Variants in CEP104 observed in about 807,000 individuals in gnomAD.
The protein encoded by CEP104 is centrosomal protein 104.
Under a neutral mutation model 113.3 loss-of-function variants are expected in CEP104, and 84 were observed. The ratio of observed to expected loss-of-function variants is 0.74; its 90% confidence interval spans 0.62 to 0.89. The LOEUF (loss-of-function observed/expected upper bound fraction) is 0.89, where lower values mean the gene tolerates loss of function less well. Among genes scored for constraint, CEP104 ranks in the 40% least tolerant of loss-of-function variants. CEP104 has a pLI of 0.00. For missense variants in CEP104, 1,053 were observed against 1,156.6 expected (o/e 0.91, Z 1.30); for synonymous variants, 378 against 421.7 (o/e 0.90, Z 1.27).
At chr1:3,855,941 T>C (rs1183767725) in intron 1 of CEP104, 4 of 985,168 alleles carry the variant, frequency 4.1e-6, no homozygotes, top group Non-Finnish European at 4.8e-6. Context: ...CCAGAGTACA[T>C]CTCTCCCCAG....
At chr1:3,829,643 G>T in intron 14 of CEP104, 148 bp downstream of exon 14, 1 of 843,058 alleles carries the variant, frequency 1.2e-6, no homozygotes. Context: ...ATCTGAATGC[G>T]GGAACCTGTG....
intron 11 of CEP104, among the ~76,000 whole-genome samples, 165 bp from the exon 12 acceptor site, chr1:3,834,200 C>T (rs1043201182): frequency 3.3e-5 from 5 of 152,246 alleles, no homozygotes; most frequent in Non-Finnish European, 7.3e-5. Flanking sequence ...AACACAGCAC[C>T]TTGCATATAG....
At chr1:3,836,369 C>T (rs543225676) in intron 10 of CEP104, 126 bp downstream of exon 10, 767 of 939,354 alleles carry the variant, frequency 8.2e-4, no homozygotes, top group Middle Eastern at 1.7e-3. Context: ...GGGAAGTCAA[C>T]AATATTACAA....
rs1452126978 is a variant in CEP104, at chr1:3,819,787, T to C, written c.2571+3387A>G. 6.6e-6 allele frequency among the ~76,000 whole-genome samples: 1 copy of C among 152,152 alleles called. No homozygotes were observed. The highest frequency in any genetic ancestry group is 1.5e-5 in the Non-Finnish European group (1 of 68,030). On this transcript the variant is annotated intron_variant, in intron 20 of 21. Coordinates refer to ENST00000378230, the MANE Select transcript of CEP104 (RefSeq NM_014704.4). The surrounding 1 kb of genome is among the most constrained non-coding windows in gnomAD (Gnocchi z 4.6). Reference sequence around the variant, plus strand: ...ATTTGAAGAATGAACGGCAAAACAATTCACACGAAATTAGAAAGACGTGTC... The same window carrying C: ...ATTTGAAGAATGAACGGCAAAACAACTCACACGAAATTAGAAAGACGTGTC...
chr1:3,841,321 TA>T (rs879466602), intron 6 of CEP104, among the ~76,000 whole-genome samples: 5,470 of 152,234 alleles, frequency 0.036, 361 homozygotes, highest in African/African-American at 0.12. Context: ...GAGGTCACGG[TA>T]CTTCGCTCAC....
At chr1:3,842,154 T>C (rs4381131) in intron 6 of CEP104, among the ~76,000 whole-genome samples, 137,912 of 152,326 alleles carry the variant, frequency 0.91, 63,106 homozygotes, top group Middle Eastern at 0.97. Flanking sequence ...GTGGTGCGAT[T>C]TTGGCTCGCT....
intron 4 of CEP104, among the ~76,000 whole-genome samples, chr1:3,846,476 A>T (rs1180119251): frequency 3.3e-5 from 5 of 152,388 alleles, no homozygotes; most frequent in Non-Finnish European, 7.3e-5. Context: ...TTTTAAATGC[A>T]GGGCACATAT....
At chr1:3,822,514 T>C (rs1269720612) in intron 20 of CEP104, among the ~76,000 whole-genome samples, 2 of 152,232 alleles carry the variant, frequency 1.3e-5, no homozygotes, top group African/African-American at 4.8e-5. Flanking sequence ...AACTGGGTCC[T>C]GAGCAGGGCC....
intron 1 of CEP104, among the ~76,000 whole-genome samples, chr1:3,852,896 C>A (rs1186951736): frequency 1.4e-5 from 2 of 142,318 alleles, no homozygotes; most frequent in South Asian, 4.5e-4. Context: ...CATCTCTAAG[C>A]GGGCCGGCCA....
chr1:3,828,451 T>C (rs34839626), intron 15 of CEP104, among the ~76,000 whole-genome samples: 1 of 152,106 alleles, frequency 6.6e-6, no homozygotes, highest in African/African-American at 2.4e-5. Flanking sequence ...CCATAGGAAG[T>C]TCAGCCTATA....
chr1:3,845,982 G>C (rs1380884921), intron 4 of CEP104, among the ~76,000 whole-genome samples: 57 of 151,638 alleles, frequency 3.8e-4, no homozygotes. Context: ...AGGAGGCTGA[G>C]GCAGGAGAAT....
intron 18 of CEP104, 86 bp downstream of exon 18, chr1:3,825,672 A>C (rs1366940893): frequency 3.5e-6 from 3 of 866,212 alleles, no homozygotes; most frequent in Non-Finnish European, 1.9e-6. Context: ...AAATACTAAG[A>C]CTTGGGACAG....
Position 3,837,421 on chromosome 1 carries a change from T to G in CEP104, c.990A>C (p.Arg330Ser), listed in dbSNP as rs1026614728. 5 of 1,614,248 alleles carry G rather than the reference T, an allele frequency of 3.1e-6. No individual in the cohort carries two copies. Among genetic ancestry groups the G allele is most frequent in the Non-Finnish European group, 4.2e-6 (5 of 1,180,040 alleles). The change falls in exon 9 of 22, where the codon AGA becomes AGC. Residue 330 changes from arginine to serine, a missense_variant. Arg to Ser is a moderately radical substitution (Grantham distance 110). Transcript: ENST00000378230. ...GTTCTGCAAACTGGTTTTCTGTTCCTCTTTCTTCCAGTTGTGGTAGTGAGG... is the reference window on the plus strand; with the variant it reads ...GTTCTGCAAACTGGTTTTCTGTTCCGCTTTCTTCCAGTTGTGGTAGTGAGG... The part of the protein sequence containing the change: ...PMPSLPQLEE[R>S]GTENQFAEPF...
chr1:3,842,087 TTTTTA>T lies in CEP104; in HGVS notation c.567-2316_567-2312del, dbSNP rs1557684238. On this transcript the variant is annotated intron_variant, in intron 6 of 21. Coordinates refer to ENST00000378230, the MANE Select transcript of CEP104 (RefSeq NM_014704.4). Reference sequence around the variant, plus strand: ...GAGAGACTGAGAAGCTGGTGTTATTTTTTTATTTTTATTTTTTGAGACGGAGTCTC... The same window carrying T: ...GAGAGACTGAGAAGCTGGTGTTATTTTTTTTATTTTTTGAGACGGAGTCTC... Among the ~76,000 whole-genome samples, 18 of 97,400 alleles carry T rather than the reference TTTTTA, an allele frequency of 1.8e-4. No homozygotes were observed. In the South Asian group the frequency reaches 4.7e-3, roughly 25 times the overall value. The allele number at this position is 97,400 out of a possible 152,430, so 63.9% of individuals were successfully genotyped here. A position where few individuals can be genotyped will look rare whatever the true frequency, so the allele number is the denominator to read the frequency against.
rs1643819959 is a variant in CEP104, at chr1:3,812,978, TTTTC to T, written c.*2420_*2423del. ...TAAAAATGAAGTCTTTTTATAAGTA[TTTTC>T]TTTAAGTTACAATATATAGAAGGCA... On this transcript the variant is annotated 3_prime_UTR_variant, in exon 22 of 22. Coordinates refer to ENST00000378230, the MANE Select transcript of CEP104 (RefSeq NM_014704.4). 1.3e-5 allele frequency: 2 copies of T among 152,316 alleles called. No homozygotes were observed. Among genetic ancestry groups the T allele is most frequent in the East Asian group, 3.9e-4 (2 of 5,194 alleles). The allele number at this position is 152,316 out of a possible 1,614,324, so 9.4% of individuals were successfully genotyped here. A position where few individuals can be genotyped will look rare whatever the true frequency, so the allele number is the denominator to read the frequency against.
chr1:3,853,887 G>C (rs887727005), intron 1 of CEP104, among the ~76,000 whole-genome samples: 3 of 152,156 alleles, frequency 2.0e-5, no homozygotes, highest in Non-Finnish European at 4.4e-5. Flanking sequence ...TTGAGCCCAG[G>C]AGTTCGAGAC....
chr1:3,843,212 G>A, intron 6 of CEP104: 1 of 714,052 alleles, frequency 1.4e-6, no homozygotes, highest in African/African-American at 1.8e-5. Flanking sequence ...CAGGCAGGTG[G>A]CAAGGGAACC....
rs1448095441 is a variant in CEP104, at chr1:3,833,887, C to T, written c.1634G>A (p.Arg545His). Residue 545 changes from arginine (R) to histidine (H), a missense_variant, in exon 12 of 22, where the codon CGC (arginine) becomes CAC (histidine). Coordinates refer to ENST00000378230, the MANE Select transcript of CEP104 (RefSeq NM_014704.4). ...TRTGDSSARL[R>H]VTAANFIQEM... Reference sequence around the variant, plus strand: ...CTGAATAAAATTTGCAGCTGTGACGCGGAGGCGGGCAGAAGAATCTCCAGT... The same window carrying T: ...CTGAATAAAATTTGCAGCTGTGACGTGGAGGCGGGCAGAAGAATCTCCAGT... The T allele has an allele frequency of 7.4e-6, 12 of 1,614,178 alleles. No individual in the cohort carries two copies. Among genetic ancestry groups the T allele is most frequent in the Admixed American group, 3.3e-5 (2 of 60,020 alleles).
In CEP104 at chr1:3,820,377, A is replaced by C. The variant is rs1006893596; in HGVS notation, c.2571+2797T>G. Among the ~76,000 whole-genome samples, 6 of 152,222 alleles carry C rather than the reference A, an allele frequency of 3.9e-5. No individual in the cohort carries two copies. In the South Asian group the frequency reaches 1.2e-3, roughly 32 times the overall value. ...CAAAGGCTCCCACATTCTGGAGATAACCAGGGGAAAAGATGTATGTGCAGT... is the reference window on the plus strand; with the variant it reads ...CAAAGGCTCCCACATTCTGGAGATACCCAGGGGAAAAGATGTATGTGCAGT... On this transcript the variant is annotated intron_variant, in intron 20 of 21. Transcript: ENST00000378230.
Sources: gnomAD v4.1 joint callset for allele counts (sites outside exome capture counted in the v4.1 genomes callset) on GRCh38, gnomAD v4.1.1 for gene constraint, Gnocchi (gnomAD v3.1) non-coding constraint, MANE v1.5 for transcripts, NCBI Gene and HGNC (gene_info 2026-07-23, HGNC 2026-07-21) for gene names.